TMEM79: variants seen among roughly 807,000 people sequenced by gnomAD.
TMEM79 encodes the protein mattrin.
TMEM79 carries 30 observed loss-of-function variants against 31.2 expected under a neutral mutation model. That is an observed-to-expected ratio of 0.96 (90% CI 0.72 to 1.30). TMEM79 has a LOEUF of 1.30. TMEM79 is among the 50% of genes most tolerant of loss of function. The probability of loss-of-function intolerance (pLI) is 0.00; values close to 1 mark genes in which losing one functional copy is unlikely to be tolerated. For synonymous variants in TMEM79, 213 were observed against 229.5 expected (o/e 0.93, Z 0.65); for missense variants, 509 against 528.2 (o/e 0.96, Z 0.36).
At chr1:156,286,671 T>C (rs1663172427) in intron 3 of TMEM79, among the ~76,000 whole-genome samples, 198 bp downstream of exon 3, 1 of 152,170 alleles carries the variant, frequency 6.6e-6, no homozygotes, top group South Asian at 2.1e-4. Flanking sequence ...TTCAGAGACA[T>C]ATATAACCAT....
At chr1:156,290,110 T>C (rs368166977) in intron 3 of TMEM79, 10 of 152,350 alleles carry the variant, frequency 6.6e-5, no homozygotes, top group African/African-American at 2.4e-4. Context: ...GAGAAAACCA[T>C]TTTTATATTG....
chr1:156,287,731 C>T (rs1283650931), intron 3 of TMEM79, among the ~76,000 whole-genome samples: 1 of 151,414 alleles, frequency 6.6e-6, no homozygotes, highest in Non-Finnish European at 1.5e-5. Flanking sequence ...ATTCTCCTGC[C>T]TCAGCCTCCC....
Position 156,286,337 on chromosome 1 carries a change from A to C in TMEM79, c.835A>C (p.Ile279Leu). Reference sequence around the variant, plus strand: ...TGGGGAGCCACGGCGGGAGGTGGAGATCCACCGGCGATATGTGGCCCAGTC... The same window carrying C: ...TGGGGAGCCACGGCGGGAGGTGGAGCTCCACCGGCGATATGTGGCCCAGTC... ...PFGEPRREVEIHRRYVAQSVQ... is the reference protein window; with the variant it reads ...PFGEPRREVELHRRYVAQSVQ... The change falls in exon 3 of 4, where the codon ATC (isoleucine) becomes CTC (leucine). Residue 279 changes from isoleucine to leucine, a missense_variant. Transcript: ENST00000405535. 1 of 1,614,118 alleles carries C rather than the reference A, an allele frequency of 6.2e-7. No individual in the cohort carries two copies. Among genetic ancestry groups the C allele is most frequent in the South Asian group, 1.1e-5 (1 of 91,074 alleles).
chr1:156,287,606 C>CTTTTTT (rs745468403), intron 3 of TMEM79, among the ~76,000 whole-genome samples: 3 of 72,660 alleles, frequency 4.1e-5, no homozygotes, highest in Non-Finnish European at 7.8e-5. Flanking sequence ...TTACTCTCCA[C>CTTTTTT]TTTTTTTTTT....
intron 3 of TMEM79, among the ~76,000 whole-genome samples, chr1:156,287,869 C>T (rs1419597091): frequency 1.3e-5 from 2 of 151,988 alleles, no homozygotes; most frequent in Non-Finnish European, 2.9e-5. Flanking sequence ...CTGCCCGCCT[C>T]AGCCTCCCAA....
In TMEM79 at chr1:156,291,769, C is replaced by A. The variant is rs562338202; in HGVS notation, c.*171C>A. On this transcript the variant is annotated 3_prime_UTR_variant, in exon 4 of 4. Transcript: ENST00000405535. Reference sequence around the variant, plus strand: ...AATCGGAGTTCTCCCCTTGCCGGAGCTGCCCTTCACCTTTGGGGCCCGAGA... The same window carrying A: ...AATCGGAGTTCTCCCCTTGCCGGAGATGCCCTTCACCTTTGGGGCCCGAGA... 1.6e-5 allele frequency: 10 copies of A among 633,948 alleles called. No homozygotes were observed. In the African/African-American group the frequency reaches 1.6e-4, roughly 10 times the overall value. 39.3% of individuals were successfully genotyped at this position (633,948 alleles called of 1,614,324 possible).
At position 156,285,746 on chromosome 1, in the gene TMEM79, T is replaced by G. The variant is rs774820158; in HGVS notation, c.520T>G (p.Trp174Gly). 4.3e-6 allele frequency: 7 copies of G among 1,613,220 alleles called. No homozygotes were observed. The East Asian group carries it at 1.6e-4, about 36-fold the overall frequency. The change falls in exon 2 of 4, where the codon TGG becomes GGG. Residue 174 changes from tryptophan to glycine, a missense_variant. Trp to Gly is a radical substitution (Grantham distance 184). Coordinates refer to ENST00000405535, the MANE Select transcript of TMEM79 (RefSeq NM_032323.3). ...VTHPDPTERK[W>G]AEAVVRPPGC... ...CCACCCCGACCCCACTGAGCGCAAG[T>G]GGGCTGAGGCAGTGGTGAGGCCGCC...
At chr1:156,290,608 C>T (rs1247703529) in intron 3 of TMEM79, 1 of 151,250 alleles carries the variant, frequency 6.6e-6, no homozygotes, top group Non-Finnish European at 1.5e-5. Flanking sequence ...GAGGCCAAGG[C>T]AGGCGGATCA....
At chr1:156,284,757 TGGA>T (rs1235124941) in intron 1 of TMEM79, among the ~76,000 whole-genome samples, 1 of 151,986 alleles carries the variant, frequency 6.6e-6, no homozygotes, top group African/African-American at 2.4e-5. Context: ...GATGGGACAG[TGGA>T]GAGGAAGCTT....
At chr1:156,285,133 A>G in intron 1 of TMEM79, 51 bp from the exon 2 acceptor site, 1 of 1,454,388 alleles carries the variant, frequency 6.9e-7, no homozygotes, top group South Asian at 1.5e-5. Context: ...AACCTGTCCT[A>G]ATAACTAGAA....
In TMEM79 at chr1:156,291,397, G is replaced by A; in HGVS notation, c.984G>A (p.Trp328Ter). The A allele has an allele frequency of 1.2e-6, 2 of 1,614,018 alleles. No homozygotes were observed. The highest frequency in any genetic ancestry group is 1.7e-6 in the Non-Finnish European group (2 of 1,180,022). The change falls in exon 4 of 4, where the codon TGG becomes TGA. Residue 328 changes from tryptophan (W) to a stop codon, truncating the protein, a stop_gained. Transcript: ENST00000405535. LOFTEE classifies it high-confidence loss of function. ...CTTGCCCCCATAGGCTGATCTACTG[G>A]CTGACCTTTGCCGTGGGCCGCTCCT... ...GLFAVSRLIYWLTFAVGRSFR... is the reference protein window; with the variant it reads ...GLFAVSRLIY
At position 156,285,780 on chromosome 1, in the gene TMEM79, C is replaced by A. The variant is rs369213781; in HGVS notation, c.554C>A (p.Ser185Tyr). Residue 185 changes from serine (S) to tyrosine (Y), a missense_variant, in exon 2 of 4, where the codon TCC becomes TAC. Physicochemically the swap from Ser to Tyr is moderately radical, Grantham distance 144. Transcript: ENST00000405535. ...GCAGTGGTGAGGCCGCCTGGCTGTT[C>A]CTGTGGGGGCTGCGGGAGCTGTGGA... ...AEAVVRPPGC[S>Y]CGGCGSCGDR... is the part of the protein sequence containing the mutation. 1.2e-6 allele frequency: 2 copies of A among 1,613,386 alleles called. No individual in the cohort carries two copies. Among genetic ancestry groups the A allele is most frequent in the African/African-American group, 2.7e-5 (2 of 74,932 alleles).
chr1:156,288,494 C>T (rs1026821823), intron 3 of TMEM79, among the ~76,000 whole-genome samples: 6 of 151,978 alleles, frequency 3.9e-5, no homozygotes, highest in Non-Finnish European at 8.8e-5. Context: ...GCCACCATGC[C>T]CAGCTAATTT....
Position 156,291,649 on chromosome 1 carries a change from C to T in TMEM79, c.*51C>T. On this transcript the variant is annotated 3_prime_UTR_variant, in exon 4 of 4. Transcript: ENST00000405535. The stretch of plus-strand genomic sequence containing the variant: ...AGGGGGTAGCGGCTTGGGTCTGACA[C>T]ATCTTTGAACCTTGTGGCCAGGCCT... 2 of 1,559,690 alleles carry T rather than the reference C, an allele frequency of 1.3e-6. No homozygotes were observed. The highest frequency in any genetic ancestry group is 1.8e-6 in the Non-Finnish European group (2 of 1,133,140).
upstream of TMEM79, among the ~76,000 whole-genome samples, chr1:156,283,721 C>T (rs1429887949): frequency 1.3e-5 from 2 of 152,162 alleles, no homozygotes; most frequent in African/African-American, 4.8e-5. Context: ...AGCCACCCAC[C>T]TTCTTTCTGT....
chr1:156,285,643 G>T lies in TMEM79; in HGVS notation c.417G>T (p.Arg139=). 6.2e-7 allele frequency: 1 copy of T among 1,614,012 alleles called. No homozygotes were observed. Among genetic ancestry groups the T allele is most frequent in the Admixed American group, 1.7e-5 (1 of 60,024 alleles). ...FVPIDLQCIE[R]QPQEDLIVRC... is the part of the protein sequence containing the mutation. ...CTATTGACCTACAGTGCATTGAGCG[G>T]CAGCCCCAAGAAGACCTTATCGTGC... The change falls in exon 2 of 4, where the codon CGG becomes CGT. Residue 139 remains arginine (R), a synonymous_variant. Coordinates refer to ENST00000405535, the MANE Select transcript of TMEM79 (RefSeq NM_032323.3).
At position 156,285,724 on chromosome 1, in the gene TMEM79, C is replaced by T. The variant is rs778250770; in HGVS notation, c.498C>T (p.His166=). 3 of 1,613,230 alleles carry T rather than the reference C, an allele frequency of 1.9e-6. No individual in the cohort carries two copies. Among genetic ancestry groups the T allele is most frequent in the Non-Finnish European group, 2.5e-6 (3 of 1,180,008 alleles). The change falls in exon 2 of 4, where the codon CAC becomes CAT. Residue 166 remains histidine, a synonymous_variant. Coordinates refer to ENST00000405535, the MANE Select transcript of TMEM79 (RefSeq NM_032323.3). ...CRTFMPPRVT[H]PDPTERKWAE... The stretch of plus-strand genomic sequence containing the variant: ...CCTTCATGCCCCCCCGGGTCACCCA[C>T]CCCGACCCCACTGAGCGCAAGTGGG...
chr1:156,291,628 G>C lies in TMEM79; in HGVS notation c.*30G>C. 1 of 1,601,518 alleles carries C rather than the reference G, an allele frequency of 6.2e-7. No homozygotes were observed. Among genetic ancestry groups the C allele is most frequent in the Non-Finnish European group, 8.5e-7 (1 of 1,170,366 alleles). On this transcript the variant is annotated 3_prime_UTR_variant, in exon 4 of 4. Coordinates refer to ENST00000405535, the MANE Select transcript of TMEM79 (RefSeq NM_032323.3). ...CTCCGCCCTCGCCCTCGGAGTAGGGGGTAGCGGCTTGGGTCTGACACATCT... is the reference window on the plus strand; with the variant it reads ...CTCCGCCCTCGCCCTCGGAGTAGGGCGTAGCGGCTTGGGTCTGACACATCT...
At position 156,291,635 on chromosome 1, in the gene TMEM79, G is replaced by A; in HGVS notation, c.*37G>A. On this transcript the variant is annotated 3_prime_UTR_variant, in exon 4 of 4. Transcript: ENST00000405535. The stretch of plus-strand genomic sequence containing the variant: ...CTCGCCCTCGGAGTAGGGGGTAGCG[G>A]CTTGGGTCTGACACATCTTTGAACC... 2 of 1,592,406 alleles carry A rather than the reference G, an allele frequency of 1.3e-6. No homozygotes were observed. The highest frequency in any genetic ancestry group is 1.7e-6 in the Non-Finnish European group (2 of 1,162,358).
Sources: allele counts gnomAD v4.1 joint callset (sites outside exome capture counted in the v4.1 genomes callset), GRCh38; gene constraint gnomAD v4.1.1; transcripts MANE v1.5; gene names NCBI Gene and HGNC (gene_info 2026-07-23, HGNC 2026-07-21).